MRPS6: variants seen among roughly 807,000 people sequenced by gnomAD.
MRPS6 encodes the protein mitochondrial ribosomal protein S6, also known as small ribosomal subunit protein bS6m.
In MRPS6, 6 loss-of-function variants were observed where a neutral mutation model predicts 13.1. That is an observed-to-expected ratio of 0.46 (90% CI 0.25 to 0.91). MRPS6 has a LOEUF of 0.91. Ranked by LOEUF, MRPS6 falls within the 40% of genes least tolerant of loss-of-function variation. The pLI is 0.18. For synonymous variants in MRPS6, 61 were observed against 56.5 expected (o/e 1.08, Z -0.36); for missense variants, 164 against 155.6 (o/e 1.05, Z -0.29).
intron 1 of MRPS6, among the ~76,000 whole-genome samples, chr21:34,094,237 G>T (rs975248324): frequency 7.9e-5 from 12 of 152,090 alleles, no homozygotes; most frequent in Admixed American, 7.9e-4. Flanking sequence ...AGGGCAGGGG[G>T]CGTCTCACAA....
At chr21:34,141,894 T>C (rs1307397555) in intron 2 of MRPS6, among the ~76,000 whole-genome samples, 1 of 152,240 alleles carries the variant, frequency 6.6e-6, no homozygotes, top group Non-Finnish European at 1.5e-5. Flanking sequence ...TTGTCCGTAT[T>C]GAACATAGTT....
intron 1 of MRPS6, among the ~76,000 whole-genome samples, chr21:34,106,674 C>T (rs1361644909): frequency 6.6e-6 from 1 of 152,168 alleles, no homozygotes; most frequent in Non-Finnish European, 1.5e-5. Context: ...ATACTATTTG[C>T]AGACATTGTT....
rs529165691 is a variant in MRPS6 at position 34,109,807 on chromosome 21, GAA to G, written c.46-15524_46-15523del. On this transcript the variant is annotated intron_variant, in intron 1 of 2. Coordinates refer to ENST00000399312, the MANE Select transcript of MRPS6 (RefSeq NM_032476.4). ...CTCGTATTCTTGTAAGGTTGTACCT[GAA>G]AAAAAAAAATCCTGCACAATATGTG... Among the ~76,000 whole-genome samples, 418 of 145,780 alleles carry G rather than the reference GAA, an allele frequency of 2.9e-3. 1 individual carries two copies. The highest frequency in any genetic ancestry group is 1.0e-2 in the African/African-American group (399 of 39,924).
chr21:34,091,912 A>G (rs1483838770), intron 1 of MRPS6, among the ~76,000 whole-genome samples: 1 of 103,940 alleles, frequency 9.6e-6, no homozygotes, highest in Non-Finnish European at 1.9e-5. Flanking sequence ...TTTCATAACT[A>G]TACCTATTTT....
At chr21:34,138,571 A>G (rs1980787051) in intron 2 of MRPS6, among the ~76,000 whole-genome samples, 1 of 152,008 alleles carries the variant, frequency 6.6e-6, no homozygotes, top group Non-Finnish European at 1.5e-5. Context: ...ATGCAGCCAA[A>G]AAACACATGA....
intron 1 of MRPS6, among the ~76,000 whole-genome samples, chr21:34,086,406 G>T (rs1978379631): frequency 6.6e-6 from 1 of 152,114 alleles, no homozygotes. Flanking sequence ...TGTACTCATA[G>T]CCTGGGTGCA....
intron 1 of MRPS6, 43 bp downstream of exon 1, chr21:34,073,788 C>T (rs777636282): frequency 2.8e-6 from 4 of 1,418,762 alleles, no homozygotes; most frequent in Non-Finnish European, 3.7e-6. Context: ...GCGCGGGCGC[C>T]CCCGCTGCCG....
chr21:34,073,835 C>A, intron 1 of MRPS6, 90 bp downstream of exon 1: 1 of 1,019,512 alleles, frequency 9.8e-7, no homozygotes, highest in South Asian at 1.8e-5. Context: ...GGCCGCGGGA[C>A]CCCGGGCCTT....
At chr21:34,134,360 C>T (rs1033889515) in intron 2 of MRPS6, among the ~76,000 whole-genome samples, 1 of 152,078 alleles carries the variant, frequency 6.6e-6, no homozygotes, top group South Asian at 2.1e-4. Context: ...TCGTTTGTAC[C>T]GTTTTTATTT....
intron 1 of MRPS6, among the ~76,000 whole-genome samples, chr21:34,109,792 T>C (rs769294178): frequency 4.6e-5 from 7 of 151,930 alleles, no homozygotes; most frequent in Non-Finnish European, 7.3e-5. Flanking sequence ...CTCGTATTCT[T>C]GTAAGGTTGT....
At chr21:34,107,907 GTGGCTTGGAGTACTCAC>G (rs1186085535) in intron 1 of MRPS6, among the ~76,000 whole-genome samples, 1 of 152,212 alleles carries the variant, frequency 6.6e-6, no homozygotes, top group Non-Finnish European at 1.5e-5. Flanking sequence ...ATTTAGTAGA[GTGGCTTGGAGTACTCAC>G]TGCTGTAGGG....
intron 2 of MRPS6, 108 bp downstream of exon 2, chr21:34,125,588 C>A (rs750340966): frequency 6.7e-7 from 1 of 1,484,090 alleles, no homozygotes; most frequent in Non-Finnish European, 9.0e-7. Context: ...ACCCCTGTTG[C>A]GCCTAGGTGT....
chr21:34,141,399 C>CTT (rs1332065055), intron 2 of MRPS6, among the ~76,000 whole-genome samples: 2 of 152,066 alleles, frequency 1.3e-5, no homozygotes, highest in East Asian at 1.9e-4. Flanking sequence ...GAAGGTCTCT[C>CTT]TGAGAGGGTG....
intron 1 of MRPS6, among the ~76,000 whole-genome samples, chr21:34,080,092 C>A (rs1045277843): frequency 7.9e-5 from 12 of 152,174 alleles, no homozygotes; most frequent in Admixed American, 7.2e-4. Flanking sequence ...GGTCTCCTGA[C>A]ATACTACTGA....
intron 1 of MRPS6, among the ~76,000 whole-genome samples, chr21:34,116,975 C>G (rs566417610): frequency 1.3e-5 from 2 of 152,142 alleles, no homozygotes; most frequent in African/African-American, 4.8e-5. Flanking sequence ...CAGAACCTTC[C>G]GACCTTTCAG....
intron 1 of MRPS6, among the ~76,000 whole-genome samples, chr21:34,077,984 G>T (rs1454781242): frequency 6.6e-6 from 1 of 152,144 alleles, no homozygotes. Context: ...GATACCCTTT[G>T]GAGATGGAGG....
At chr21:34,140,158 T>A (rs1277152332) in intron 2 of MRPS6, among the ~76,000 whole-genome samples, 2 of 152,110 alleles carry the variant, frequency 1.3e-5, no homozygotes, top group African/African-American at 2.4e-5. Context: ...CTTCTCATCT[T>A]ACTGGATTTA....
chr21:34,102,606 A>G (rs944136484), intron 1 of MRPS6: 1 of 1,000,170 alleles, frequency 1.0e-6, no homozygotes, highest in Non-Finnish European at 1.2e-6. Flanking sequence ...TAAACCAATA[A>G]CTGTACTTTA....
chr21:34,073,833 G>T, intron 1 of MRPS6, 88 bp downstream of exon 1: 1 of 1,058,778 alleles, frequency 9.4e-7, no homozygotes, highest in Non-Finnish European at 1.3e-6. Flanking sequence ...CTGGCCGCGG[G>T]ACCCCGGGCC....
Sources: allele counts gnomAD v4.1 joint callset (sites outside exome capture counted in the v4.1 genomes callset), GRCh38; gene constraint gnomAD v4.1.1; transcripts MANE v1.5; gene names NCBI Gene and HGNC (gene_info 2026-07-23, HGNC 2026-07-21).